Variants in NELL1 observed in about 807,000 individuals in gnomAD.
NELL1 encodes the protein protein kinase C-binding protein NELL1.
A neutral mutation model predicts 107.4 loss-of-function variants in NELL1; 76 were observed. The observed-to-expected ratio is 0.71, with a 90% CI of 0.59 to 0.86. The LOEUF is 0.86. NELL1 is among the 40% of genes least tolerant of loss of function. NELL1 has a pLI of 0.00. For missense variants in NELL1, 1,024 were observed against 1,005.5 expected, an observed-to-expected ratio of 1.02 and a Z score of -0.25; for synonymous variants, 353 against 341.2, an observed-to-expected ratio of 1.03 and a Z score of -0.38.
At chr11:21,059,679 T>G (rs774198066) in intron 12 of NELL1, among the ~76,000 whole-genome samples, 7 of 152,156 alleles carry the variant, frequency 4.6e-5, no homozygotes, top group Non-Finnish European at 1.0e-4. Context: ...AGGACAGTAG[T>G]CATCTCTTCT....
intron 5 of NELL1, among the ~76,000 whole-genome samples, chr11:20,915,161 T>C (rs373381653): frequency 3.9e-5 from 6 of 152,050 alleles, no homozygotes; most frequent in African/African-American, 1.4e-4. Flanking sequence ...TTGGGTTTTA[T>C]TCAGTTCCAA....
intron 2 of NELL1, among the ~76,000 whole-genome samples, chr11:20,744,613 G>C (rs1855963865): frequency 2.6e-5 from 4 of 152,248 alleles, no homozygotes; most frequent in Admixed American, 2.6e-4. Flanking sequence ...AGCCCAGAAT[G>C]ATGGGGCAGC....
At chr11:21,276,545 T>C (rs566247791) in intron 14 of NELL1, among the ~76,000 whole-genome samples, 10 of 152,228 alleles carry the variant, frequency 6.6e-5, no homozygotes, top group Admixed American at 2.0e-4. Context: ...TGGAAAAAAC[T>C]ACTTTAAAGT....
chr11:20,959,291 A>G (rs897680005), intron 11 of NELL1, among the ~76,000 whole-genome samples: 1 of 152,226 alleles, frequency 6.6e-6, no homozygotes, highest in Admixed American at 6.5e-5. Flanking sequence ...TAGAACTAAA[A>G]GTAGAATTTG....
At chr11:21,014,873 A>T (rs1852529683) in intron 12 of NELL1, among the ~76,000 whole-genome samples, 1 of 152,128 alleles carries the variant, frequency 6.6e-6, no homozygotes, top group Non-Finnish European at 1.5e-5. Context: ...TGGTTATTTC[A>T]TTATGATGAA....
chr11:21,160,195 C>T (rs1368790846), intron 13 of NELL1, among the ~76,000 whole-genome samples: 1 of 152,186 alleles, frequency 6.6e-6, no homozygotes, highest in Non-Finnish European at 1.5e-5. Context: ...GTGAAAGCTT[C>T]AGGGGGTAAT....
chr11:21,038,548 T>C (rs1853150641), intron 12 of NELL1, among the ~76,000 whole-genome samples: 1 of 152,322 alleles, frequency 6.6e-6, no homozygotes, highest in Non-Finnish European at 1.5e-5. Flanking sequence ...TGGCTTATTT[T>C]CTGATATTTG....
At chr11:20,732,968 A>C (rs1344024673) in intron 2 of NELL1, among the ~76,000 whole-genome samples, 1 of 152,202 alleles carries the variant, frequency 6.6e-6, no homozygotes, top group Non-Finnish European at 1.5e-5. Context: ...ATTCTAGTGG[A>C]TTCAAACCCT....
At chr11:20,891,771 A>C (rs965219271) in intron 5 of NELL1, among the ~76,000 whole-genome samples, 3 of 152,238 alleles carry the variant, frequency 2.0e-5, no homozygotes, top group African/African-American at 7.2e-5. Context: ...AAAGAAGGGC[A>C]TTACATAATG....
intron 5 of NELL1, among the ~76,000 whole-genome samples, chr11:20,894,495 G>A (rs1402769695): frequency 6.6e-6 from 1 of 152,188 alleles, no homozygotes; most frequent in African/African-American, 2.4e-5. Context: ...AAAAGGGAAT[G>A]TCCAAAAGGC....
chr11:20,940,463 C>T (rs995104200), intron 10 of NELL1, among the ~76,000 whole-genome samples: 6 of 151,990 alleles, frequency 3.9e-5, no homozygotes, highest in African/African-American at 1.4e-4. Context: ...GTTGGCCAGG[C>T]TGGTCTTGAA....
chr11:20,703,422 T>G (rs1265349441), intron 2 of NELL1, among the ~76,000 whole-genome samples: 3 of 152,212 alleles, frequency 2.0e-5, no homozygotes. Flanking sequence ...TAGCAGTCTA[T>G]GAATTTTGTT....
At chr11:21,465,934 C>T (rs1438796720) in intron 15 of NELL1, among the ~76,000 whole-genome samples, 2 of 152,004 alleles carry the variant, frequency 1.3e-5, no homozygotes, top group Non-Finnish European at 2.9e-5. Flanking sequence ...GTGCAATTGA[C>T]CTTGCCTTGA....
chr11:21,004,118 T>C (rs1033097156), intron 12 of NELL1, among the ~76,000 whole-genome samples: 1 of 152,152 alleles, frequency 6.6e-6, no homozygotes, highest in African/African-American at 2.4e-5. Context: ...TCCTATGCAC[T>C]TTATAGTACT....
intron 12 of NELL1, among the ~76,000 whole-genome samples, chr11:21,039,139 A>T (rs1853165440): frequency 6.6e-6 from 1 of 152,210 alleles, no homozygotes; most frequent in South Asian, 2.1e-4. Flanking sequence ...GTTTAAGGGA[A>T]AGGGGAAGAG....
At chr11:21,526,704 G>T (rs2133962194) in intron 15 of NELL1, among the ~76,000 whole-genome samples, 1 of 152,286 alleles carries the variant, frequency 6.6e-6, no homozygotes, top group South Asian at 2.1e-4. Context: ...AAGCTGTTAA[G>T]GGTTAGAGCT....
chr11:21,181,238 A>T (rs1328546478), intron 13 of NELL1, among the ~76,000 whole-genome samples: 3 of 151,926 alleles, frequency 2.0e-5, no homozygotes, highest in Non-Finnish European at 1.5e-5. Context: ...CAGATGAAAT[A>T]TTCAGGTTTA....
intron 15 of NELL1, among the ~76,000 whole-genome samples, chr11:21,424,123 A>C (rs935330826): frequency 6.6e-6 from 1 of 152,214 alleles, no homozygotes; most frequent in Admixed American, 6.5e-5. Flanking sequence ...TAAAGATTAG[A>C]GCAAAAATAA....
intron 17 of NELL1, among the ~76,000 whole-genome samples, chr11:21,564,190 A>T (rs1856917140): frequency 6.6e-6 from 1 of 151,982 alleles, no homozygotes; most frequent in African/African-American, 2.4e-5. Flanking sequence ...ACCTGAGCAG[A>T]TAGAAGCTAA....
Sources: gnomAD v4.1 joint callset for allele counts (sites outside exome capture counted in the v4.1 genomes callset) on GRCh38, gnomAD v4.1.1 for gene constraint, MANE v1.5 for transcripts, NCBI Gene and HGNC (gene_info 2026-07-23, HGNC 2026-07-21) for gene names.